TIAL1: variants seen among roughly 807,000 people sequenced by gnomAD.
TIAL1 encodes nucleolysin TIAR.
TIAL1 carries 7 observed loss-of-function variants against 59.7 expected under a neutral mutation model. The observed-to-expected ratio is 0.12, with a 90% CI of 0.07 to 0.22. TIAL1 has a LOEUF of 0.22. Ranked by LOEUF, TIAL1 falls within the 10% of genes least tolerant of loss-of-function variation. TIAL1 has a pLI of 1.00. For missense variants in TIAL1, 225 were observed against 462.5 expected, an observed-to-expected ratio of 0.49 and a Z score of 4.71; for synonymous variants, 149 against 146.3, an observed-to-expected ratio of 1.02 and a Z score of -0.13.
intron 6 of TIAL1, 22 bp from the exon 7 acceptor site, chr10:119,578,856 C>A: frequency 1.9e-6 from 3 of 1,578,738 alleles, no homozygotes; most frequent in Non-Finnish European, 1.7e-6. Flanking sequence ...AAAGAAAGCA[C>A]AATCACAAAG....
intron 5 of TIAL1, among the ~76,000 whole-genome samples, chr10:119,581,517 T>C (rs534545264): frequency 1.1e-4 from 17 of 152,198 alleles, no homozygotes; most frequent in South Asian, 1.0e-3. Context: ...CATTTATAAA[T>C]TCCTCCTATA....
At position 119,573,649 on chromosome 10, in the gene TIAL1, C is replaced by T. The variant is rs546706033; in HGVS notation, c.*2016G>A. 10 of 152,696 alleles carry T rather than the reference C, an allele frequency of 6.5e-5. No homozygotes were observed. Among genetic ancestry groups the T allele is most frequent in the African/African-American group, 2.4e-4 (10 of 41,548 alleles). The allele number at this position is 152,696 out of a possible 1,614,324, so 9.5% of individuals were successfully genotyped here. A position where few individuals can be genotyped will look rare whatever the true frequency, so the allele number is the denominator to read the frequency against. On this transcript the variant is annotated 3_prime_UTR_variant, in exon 12 of 12. Coordinates refer to ENST00000436547, the MANE Select transcript of TIAL1 (RefSeq NM_003252.4). ...AAAGTCTTCAGTTGTTCAAGTTTCA[C>T]ATATACTCATAAAATTTTTAACTCG...
chr10:119,596,350 G>C, intron 1 of TIAL1, 84 bp downstream of exon 1: 1 of 1,513,524 alleles, frequency 6.6e-7, no homozygotes, highest in South Asian at 1.2e-5. Context: ...CCCGGCTTCG[G>C]CCCAGTCTCT....
At chr10:119,584,803 C>T (rs12249702) in intron 2 of TIAL1, among the ~76,000 whole-genome samples, 7,574 of 148,956 alleles carry the variant, frequency 0.051, 210 homozygotes, top group Middle Eastern at 0.088. Flanking sequence ...CACTCCAGCC[C>T]GGGCAACAGA....
intron 1 of TIAL1, 40 bp downstream of exon 1, chr10:119,596,394 G>A (rs779028668): frequency 6.2e-7 from 1 of 1,610,220 alleles, no homozygotes; most frequent in Non-Finnish European, 8.5e-7. Flanking sequence ...GCGGTGCCCG[G>A]GCCTCTTGGC....
At chr10:119,595,350 T>C (rs1311526275) in intron 1 of TIAL1, among the ~76,000 whole-genome samples, 1 of 151,802 alleles carries the variant, frequency 6.6e-6, no homozygotes, top group Non-Finnish European at 1.5e-5. Flanking sequence ...TCTGACTCCT[T>C]GGTACTCAAG....
Position 119,596,524 on chromosome 10 carries a change from G to A in TIAL1, c.-59C>T, listed in dbSNP as rs1253906428. 1.3e-6 allele frequency: 1 copy of A among 765,908 alleles called. No individual in the cohort carries two copies. Among genetic ancestry groups the A allele is most frequent in the African/African-American group, 1.7e-5 (1 of 57,606 alleles). 47.4% of individuals were successfully genotyped at this position (765,908 alleles called of 1,614,324 possible). On this transcript the variant is annotated 5_prime_UTR_variant, in exon 1 of 12. Coordinates refer to ENST00000436547, the MANE Select transcript of TIAL1 (RefSeq NM_003252.4). ...GGAGGGCAGGGTTGGGGAGGGGAGG[G>A]GGTGGGGAGGAAGGGGAGGGGGGCT...
At chr10:119,589,288 C>T (rs1024910352) in intron 1 of TIAL1, among the ~76,000 whole-genome samples, 20 of 152,172 alleles carry the variant, frequency 1.3e-4, no homozygotes, top group Non-Finnish European at 2.9e-5. Flanking sequence ...TCACTGCAAC[C>T]TCCGCCTCCC....
At position 119,575,642 on chromosome 10, in the gene TIAL1, C is replaced by CA. The variant is rs1844948915; in HGVS notation, c.*22dup. 6.2e-7 allele frequency: 1 copy of CA among 1,613,014 alleles called. No homozygotes were observed. On this transcript the variant is annotated 3_prime_UTR_variant, in exon 12 of 12. Coordinates refer to ENST00000436547, the MANE Select transcript of TIAL1 (RefSeq NM_003252.4). The stretch of plus-strand genomic sequence containing the variant: ...GGAAATCGAAGCCTATCATGAATTA[C>CA]AATTTTTTTTTAGAGTCCCGGCTCA...
Position 119,576,727 on chromosome 10 carries a change from T to A in TIAL1, c.885A>T (p.Gln295His). 1 of 1,613,942 alleles carries A rather than the reference T, an allele frequency of 6.2e-7. No homozygotes were observed. The highest frequency in any genetic ancestry group is 8.5e-7 in the Non-Finnish European group (1 of 1,179,984). Residue 295 changes from glutamine to histidine, a missense_variant, in exon 11 of 12, where the codon CAA becomes CAT. Gln to His is a conservative substitution (Grantham distance 24, BLOSUM62 0). Around this residue, in one of 4 missense-constraint regions of TIAL1, gnomAD observed 80 missense variants for 158.8 expected, o/e 0.50. Coordinates refer to ENST00000436547, the MANE Select transcript of TIAL1 (RefSeq NM_003252.4). ...GTGGGTTTCCATACACTTGGCTCCATTGGCCCCATTGACTATAGTCAACCT... is the reference window on the plus strand; with the variant it reads ...GTGGGTTTCCATACACTTGGCTCCAATGGCCCCATTGACTATAGTCAACCT... Reference protein sequence around the residue: ...FQQVDYSQWGQWSQVYGNPQQ... With the variant: ...FQQVDYSQWGHWSQVYGNPQQ...
intron 1 of TIAL1, among the ~76,000 whole-genome samples, chr10:119,591,573 TAA>T (rs1845882418): frequency 6.6e-6 from 1 of 152,198 alleles, no homozygotes; most frequent in African/African-American, 2.4e-5. Context: ...AATATTTATT[TAA>T]AAATCCAGTA....
chr10:119,585,469 AT>A (rs1845524172), intron 2 of TIAL1, among the ~76,000 whole-genome samples: 1 of 149,896 alleles, frequency 6.7e-6, no homozygotes, highest in Admixed American at 6.6e-5. Flanking sequence ...AAAAAAAAAA[AT>A]CCGTTATGTC....
At chr10:119,595,670 G>T (rs963061879) in intron 1 of TIAL1, among the ~76,000 whole-genome samples, 7 of 152,330 alleles carry the variant, frequency 4.6e-5, no homozygotes, top group South Asian at 2.1e-4. Flanking sequence ...AGCCAACTCT[G>T]AAGCTTTCGA....
chr10:119,577,741 A>G lies in TIAL1; in HGVS notation c.557-5T>C. 6.2e-7 allele frequency: 1 copy of G among 1,609,714 alleles called. No individual in the cohort carries two copies. Among genetic ancestry groups the G allele is most frequent in the Non-Finnish European group, 8.5e-7 (1 of 1,176,032 alleles). ...ATCTCAACTGCTTAGTGTTGTCTGT[A>G]TGCAGAAACAAAACAAAAACGTTGA... On this transcript the variant is annotated splice_polypyrimidine_tract_variant and splice_region_variant and intron_variant, in intron 7 of 11. Transcript: ENST00000436547.
At chr10:119,592,776 C>T (rs1845949016) in intron 1 of TIAL1, among the ~76,000 whole-genome samples, 1 of 152,082 alleles carries the variant, frequency 6.6e-6, no homozygotes, top group South Asian at 2.1e-4. Context: ...CACACACACA[C>T]ACACACACAC....
chr10:119,586,146 G>A (rs189351084), intron 2 of TIAL1, among the ~76,000 whole-genome samples: 13 of 152,158 alleles, frequency 8.5e-5, no homozygotes, highest in Non-Finnish European at 1.3e-4. Context: ...CTAATCTAAC[G>A]TCCACTTTGA....
At chr10:119,580,186 CAGT>C (rs2062878079) in intron 5 of TIAL1, 176 bp from the exon 6 acceptor site, 17 of 510,228 alleles carry the variant, frequency 3.3e-5, no homozygotes, top group South Asian at 8.2e-5. Flanking sequence ...TAGAAAAAAG[CAGT>C]AGGACAAAAA....
Position 119,582,756 on chromosome 10 carries a change from G to A in TIAL1, c.130-199C>T. 1 of 673,866 alleles carries A rather than the reference G, an allele frequency of 1.5e-6. No individual in the cohort carries two copies. Among genetic ancestry groups the A allele is most frequent in the Non-Finnish European group, 2.2e-6 (1 of 446,956 alleles). The allele number at this position is 673,866 out of a possible 1,614,324, so 41.7% of individuals were successfully genotyped here. A position where few individuals can be genotyped will look rare whatever the true frequency, so the allele number is the denominator to read the frequency against. On this transcript the variant is annotated intron_variant, in intron 2 of 11. Coordinates refer to ENST00000436547, the MANE Select transcript of TIAL1 (RefSeq NM_003252.4). This position sits in a 1 kb window ranked among gnomAD's most constrained non-coding sequence, Gnocchi z 5.1. ...CTCAGAATACTGCTGAACTCAAACG[G>A]AACTATAAAAGCAGTTGTAGAATCA...
rs146856221 is a variant in TIAL1 at position 119,577,730 on chromosome 10, G to A, written c.563C>T (p.Thr188Ile). ...TACATCTTCAAATCTCAACTGCTTA[G>A]TGTTGTCTGTATGCAGAAACAAAAC... is the stretch of plus-strand genomic sequence containing the variant. ...PAPKSTQENN[T>I]KQLRFEDVVN... The change falls in exon 8 of 12, where the codon ACT becomes ATT. Residue 188 changes from threonine to isoleucine, a missense_variant. By Grantham distance (89) the Thr-to-Ile change is moderately conservative (BLOSUM62 -1). Transcript: ENST00000436547. The A allele has an allele frequency of 1.6e-5, 26 of 1,613,398 alleles. No homozygotes were observed. In the African/African-American group the frequency reaches 3.5e-4, roughly 22 times the overall value.
Sources: allele counts gnomAD v4.1 joint callset (sites outside exome capture counted in the v4.1 genomes callset), GRCh38; gene constraint gnomAD v4.1.1; regional missense constraint gnomAD v4.1.1; non-coding constraint Gnocchi (gnomAD v3.1); transcripts MANE v1.5; gene names NCBI Gene and HGNC (gene_info 2026-07-23, HGNC 2026-07-21).